PALLD: variants seen among roughly 807,000 people sequenced by gnomAD.
PALLD encodes palladin, cytoskeletal associated protein.
Under a neutral mutation model 123.5 loss-of-function variants are expected in PALLD, and 61 were observed. The observed-to-expected ratio is 0.49, with a 90% CI of 0.40 to 0.61. PALLD has a LOEUF of 0.61. Among genes scored for constraint, PALLD ranks in the 20% least tolerant of loss-of-function variants. The probability of loss-of-function intolerance (pLI) is 0.00; values close to 1 mark genes in which losing one functional copy is unlikely to be tolerated. For synonymous variants in PALLD, 465 were observed against 496.4 expected (o/e 0.94, Z 0.84); for missense variants, 1,273 against 1,377.0 (o/e 0.92, Z 1.20).
Position 168,522,393 on chromosome 4 carries a change from T to C in PALLD, c.908+9981T>C, listed in dbSNP as rs544670009. Among the ~76,000 whole-genome samples, 5 of 152,366 alleles carry C rather than the reference T, an allele frequency of 3.3e-5. No homozygotes were observed. In the South Asian group the frequency reaches 1.0e-3, roughly 32 times the overall value. ...AAGGATGTGCTTTTCGGAAGTTTAATTTATTAGTATGCAAACTAGTATCAA... is the reference window on the plus strand; with the variant it reads ...AAGGATGTGCTTTTCGGAAGTTTAACTTATTAGTATGCAAACTAGTATCAA... On this transcript the variant is annotated intron_variant, in intron 2 of 21. Coordinates refer to ENST00000505667, the MANE Select transcript of PALLD (RefSeq NM_001166108.2).
intron 8 of PALLD, among the ~76,000 whole-genome samples, chr4:168,699,739 T>C (rs1365919522): frequency 6.6e-6 from 1 of 152,170 alleles, no homozygotes; most frequent in Non-Finnish European, 1.5e-5. Flanking sequence ...GCTGTGATTT[T>C]GTAATTTTTA....
chr4:168,719,461 T>A (rs1156392599), intron 10 of PALLD, among the ~76,000 whole-genome samples: 2 of 152,070 alleles, frequency 1.3e-5, no homozygotes, highest in East Asian at 3.9e-4. Context: ...GGTTTCACCA[T>A]GTTGGCCAGG....
intron 17 of PALLD, among the ~76,000 whole-genome samples, chr4:168,919,385 C>T (rs1325019969): frequency 1.3e-5 from 2 of 151,966 alleles, no homozygotes; most frequent in African/African-American, 2.4e-5. Flanking sequence ...ATCAGCCAGG[C>T]ATGGTGGCAG....
At chr4:168,790,092 C>A (rs1737292719) in intron 10 of PALLD, among the ~76,000 whole-genome samples, 1 of 151,874 alleles carries the variant, frequency 6.6e-6, no homozygotes, top group South Asian at 2.1e-4. Flanking sequence ...TGTAGGGCAG[C>A]AGGAGGCCTG....
intron 2 of PALLD, among the ~76,000 whole-genome samples, chr4:168,639,696 A>C (rs1438678350): frequency 6.6e-6 from 1 of 151,470 alleles, no homozygotes; most frequent in Non-Finnish European, 1.5e-5. Flanking sequence ...GGCACCCACT[A>C]CCACGCCCAG....
intron 10 of PALLD, among the ~76,000 whole-genome samples, chr4:168,762,168 A>T (rs1164334486): frequency 1.1e-4 from 16 of 152,166 alleles, no homozygotes; most frequent in Non-Finnish European, 1.5e-5. Context: ...TACTGAACTT[A>T]AAACACATAA....
chr4:168,704,533 G>A (rs1397287511), intron 8 of PALLD, among the ~76,000 whole-genome samples: 2 of 151,684 alleles, frequency 1.3e-5, no homozygotes, highest in Middle Eastern at 3.2e-3. Flanking sequence ...TTAGCCGGGC[G>A]GGCGCCTGTA....
chr4:168,555,997 A>C (rs1767245671), intron 2 of PALLD, among the ~76,000 whole-genome samples: 1 of 152,154 alleles, frequency 6.6e-6, no homozygotes. Flanking sequence ...ACCACCCCGA[A>C]GTTCCGGGAT....
rs1343249579 is a variant in PALLD at position 168,670,783 on chromosome 4, A to C, written c.1087+2415A>C. ...AAAAAAACAAAAAAAAACAAAAAAA[A>C]AAAAACAAAAAAAACAAAAAAGCTG... On this transcript the variant is annotated intron_variant, in intron 3 of 21. Coordinates refer to ENST00000505667, the MANE Select transcript of PALLD (RefSeq NM_001166108.2). Among the ~76,000 whole-genome samples, 14 of 141,276 alleles carry C rather than the reference A, an allele frequency of 9.9e-5. 1 individual carries two copies. The highest frequency in any genetic ancestry group is 2.6e-4 in the African/African-American group (9 of 35,194). The allele number at this position is 141,276 out of a possible 152,430, so 92.7% of individuals were successfully genotyped here. A position where few individuals can be genotyped will look rare whatever the true frequency, so the allele number is the denominator to read the frequency against.
intron 17 of PALLD, among the ~76,000 whole-genome samples, chr4:168,917,541 A>T (rs1193462608): frequency 6.6e-6 from 1 of 152,134 alleles, no homozygotes; most frequent in African/African-American, 2.4e-5. Flanking sequence ...CTGTTTACTG[A>T]TCTTAAATTT....
At chr4:168,642,413 T>G (rs773701698) in intron 2 of PALLD, among the ~76,000 whole-genome samples, 9 of 152,172 alleles carry the variant, frequency 5.9e-5, no homozygotes, top group Non-Finnish European at 1.3e-4. Context: ...TTTTATTTTA[T>G]ATTTTTGAGA....
chr4:168,656,671 G>A (rs557625516), intron 2 of PALLD, among the ~76,000 whole-genome samples: 13 of 152,134 alleles, frequency 8.5e-5, no homozygotes, highest in South Asian at 4.1e-4. Context: ...GAAATGTCCC[G>A]GCTTGGGCAA....
chr4:168,739,218 C>CT (rs1788082267), intron 10 of PALLD, among the ~76,000 whole-genome samples: 1 of 152,162 alleles, frequency 6.6e-6, no homozygotes, highest in Non-Finnish European at 1.5e-5. Context: ...TACAGTGCTG[C>CT]AGTAAACATG....
At chr4:168,660,456 CT>C (rs1779019417) in intron 2 of PALLD, among the ~76,000 whole-genome samples, 1 of 152,126 alleles carries the variant, frequency 6.6e-6, no homozygotes, top group Non-Finnish European at 1.5e-5. Flanking sequence ...TGTAAAACAT[CT>C]TCTTGAATTT....
intron 10 of PALLD, among the ~76,000 whole-genome samples, chr4:168,889,428 T>G (rs890673583): frequency 6.6e-6 from 1 of 152,034 alleles, no homozygotes; most frequent in Non-Finnish European, 1.5e-5. Flanking sequence ...TCTCCCAAAG[T>G]GCTGGGAATA....
At chr4:168,527,043 C>G (rs542168059) in intron 2 of PALLD, among the ~76,000 whole-genome samples, 2 of 152,270 alleles carry the variant, frequency 1.3e-5, no homozygotes. Flanking sequence ...ACAGTCTCCT[C>G]CTTTGCCAGC....
chr4:168,925,751 A>ATAAC (rs1186425345), intron 21 of PALLD, among the ~76,000 whole-genome samples: 5 of 152,228 alleles, frequency 3.3e-5, no homozygotes, highest in Admixed American at 6.5e-5. Flanking sequence ...TCTTCTTGAA[A>ATAAC]TAACTATGTG....
chr4:168,877,055 A>G (rs1218269676), intron 10 of PALLD, among the ~76,000 whole-genome samples: 2 of 152,250 alleles, frequency 1.3e-5, no homozygotes, highest in Non-Finnish European at 2.9e-5. Context: ...TACCTGTTAT[A>G]GAAGTCACTT....
At chr4:168,683,251 GT>G in intron 5 of PALLD, 148 bp downstream of exon 5, 1 of 562,576 alleles carries the variant, frequency 1.8e-6, no homozygotes, top group African/African-American at 1.9e-5. Context: ...AAAATTGTAG[GT>G]AATGTTTCTC....
Sources: gnomAD v4.1 joint callset for allele counts (sites outside exome capture counted in the v4.1 genomes callset) on GRCh38, gnomAD v4.1.1 for gene constraint, MANE v1.5 for transcripts, NCBI Gene and HGNC (gene_info 2026-07-23, HGNC 2026-07-21) for gene names.